The following TMPRSS15 variants were observed in gnomAD, a reference collection of about 807,000 sequenced individuals.
TMPRSS15 encodes enteropeptidase.
In TMPRSS15, 128 loss-of-function variants were observed where a neutral mutation model predicts 125.3. The observed-to-expected ratio is 1.02, with a 90% CI of 0.89 to 1.18. The LOEUF (loss-of-function observed/expected upper bound fraction) is 1.18, where lower values mean the gene tolerates loss of function less well. TMPRSS15 is among the 50% of genes most tolerant of loss of function. The pLI is 0.00. For missense variants in TMPRSS15, 1,283 were observed against 1,212.7 expected, an observed-to-expected ratio of 1.06 and a Z score of -0.86; for synonymous variants, 446 against 423.2, an observed-to-expected ratio of 1.05 and a Z score of -0.66.
chr21:18,395,309 C>G (rs911065314), intron 3 of TMPRSS15, among the ~76,000 whole-genome samples: 3 of 152,142 alleles, frequency 2.0e-5, no homozygotes, highest in African/African-American at 7.2e-5. Context: ...TAGTAGAGGA[C>G]AGCATGAATG....
intron 22 of TMPRSS15, among the ~76,000 whole-genome samples, chr21:18,280,593 A>AAAAAAAAAAAAAAAAAAAAC (rs1267521488): frequency 6.3e-5 from 9 of 143,678 alleles, no homozygotes; most frequent in African/African-American, 2.0e-4. Context: ...AAAAAAAAAA[A>AAAAAAAAAAAAAAAAAAAAC]AACAACAAAA....
chr21:18,457,876 C>T (rs1221784972), intron 1 of TMPRSS15, among the ~76,000 whole-genome samples: 1 of 152,036 alleles, frequency 6.6e-6, no homozygotes, highest in Non-Finnish European at 1.5e-5. Flanking sequence ...GGCCTGAGCA[C>T]TTAGATAACT....
chr21:18,409,456 A>AT (rs1354110103), intron 1 of TMPRSS15, among the ~76,000 whole-genome samples: 1 of 151,906 alleles, frequency 6.6e-6, no homozygotes, highest in African/African-American at 2.4e-5. Flanking sequence ...TTAGGGTCCA[A>AT]TTTTCCTTAG....
At chr21:18,397,836 T>G (rs2076053715) in intron 3 of TMPRSS15, 43 bp downstream of exon 3, 1 of 1,099,870 alleles carries the variant, frequency 9.1e-7, no homozygotes, top group African/African-American at 1.6e-5. Flanking sequence ...AGCAAAAAAA[T>G]CACTAATTTT....
In TMPRSS15 at chr21:18,319,680, C is replaced by G. The variant is rs896658086; in HGVS notation, c.1922-4424G>C. 2.6e-5 allele frequency among the ~76,000 whole-genome samples: 4 copies of G among 152,262 alleles called. No individual in the cohort carries two copies. The East Asian group carries it at 7.7e-4, about 29-fold the overall frequency. On this transcript the variant is annotated intron_variant, in intron 16 of 24. Coordinates refer to ENST00000284885, the MANE Select transcript of TMPRSS15 (RefSeq NM_002772.3). Reference sequence around the variant, plus strand: ...CCGACCTCAGGTGATCTGGCCGCCTCGGCCTCCCAAAGTGCTGGGATTACA... The same window carrying G: ...CCGACCTCAGGTGATCTGGCCGCCTGGGCCTCCCAAAGTGCTGGGATTACA...
chr21:18,345,899 T>G (rs2075503827), intron 10 of TMPRSS15, among the ~76,000 whole-genome samples: 1 of 151,844 alleles, frequency 6.6e-6, no homozygotes, highest in African/African-American at 2.4e-5. Context: ...ATAATTAATT[T>G]GAAATAGTTT....
chr21:18,337,291 T>C (rs148771238), intron 13 of TMPRSS15, among the ~76,000 whole-genome samples: 3 of 152,330 alleles, frequency 2.0e-5, no homozygotes, highest in African/African-American at 7.2e-5. Flanking sequence ...AATATTGAAA[T>C]ATTTAATACT....
chr21:18,365,743 CT>C (rs36165986), intron 6 of TMPRSS15, among the ~76,000 whole-genome samples: 2,772 of 83,842 alleles, frequency 0.033, 141 homozygotes, highest in African/African-American at 0.12. Flanking sequence ...CTCTTTTTTC[CT>C]TTTTTTTTTT....
rs1219832264 is a variant in TMPRSS15 at position 18,326,480 on chromosome 21, C to T, written c.1873G>A (p.Gly625Arg). The T allele has an allele frequency of 1.9e-6, 3 of 1,614,052 alleles. No individual in the cohort carries two copies. The highest frequency in any genetic ancestry group is 2.5e-6 in the Non-Finnish European group (3 of 1,180,008). Reference sequence around the variant, plus strand: ...GTAGTAAAGTTTGCTTTAAACCCTCCTCTTGCCAACACATCGTTAGTGATG... The same window carrying T: ...GTAGTAAAGTTTGCTTTAAACCCTCTTCTTGCCAACACATCGTTAGTGATG... The part of the protein sequence containing the change: ...LLITNDVLAR[G>R]GFKANFTTGY... Residue 625 changes from glycine (G) to arginine (R), a missense_variant, in exon 16 of 25, where the codon GGA becomes AGA. By Grantham distance (125) the Gly-to-Arg change is moderately radical. Transcript: ENST00000284885.
intron 3 of TMPRSS15, among the ~76,000 whole-genome samples, chr21:18,393,311 G>C (rs1205721382): frequency 6.6e-6 from 1 of 152,018 alleles, no homozygotes; most frequent in Non-Finnish European, 1.5e-5. Flanking sequence ...AAATAATTTG[G>C]TGATAATAAT....
At chr21:18,345,516 C>A (rs1377050931) in intron 10 of TMPRSS15, among the ~76,000 whole-genome samples, 2 of 151,012 alleles carry the variant, frequency 1.3e-5, no homozygotes, top group Admixed American at 6.6e-5. Context: ...CCGAGGCGGG[C>A]GGATCACGAG....
At chr21:18,307,292 G>T (rs146783849) in intron 18 of TMPRSS15, among the ~76,000 whole-genome samples, 2 of 152,232 alleles carry the variant, frequency 1.3e-5, no homozygotes, top group African/African-American at 4.8e-5. Flanking sequence ...TAAGGCAGTG[G>T]GATGTACTAC....
intron 19 of TMPRSS15, among the ~76,000 whole-genome samples, chr21:18,295,751 T>G (rs969452483): frequency 1.3e-5 from 2 of 152,200 alleles, no homozygotes; most frequent in Non-Finnish European, 2.9e-5. Flanking sequence ...TCTAGATATA[T>G]TGACATGTAT....
intron 22 of TMPRSS15, among the ~76,000 whole-genome samples, chr21:18,279,419 A>G (rs1392879019): frequency 2.3e-5 from 3 of 132,112 alleles, no homozygotes; most frequent in East Asian, 2.5e-4. Context: ...TCCACCTCCC[A>G]GGTTCACGCC....
intron 21 of TMPRSS15, among the ~76,000 whole-genome samples, chr21:18,287,970 C>A (rs7279538): frequency 0.81 from 123,295 of 152,072 alleles, 50,230 homozygotes; most frequent in African/African-American, 0.84. Flanking sequence ...TGATCTAGTA[C>A]TCCCACTGCT....
intron 22 of TMPRSS15, among the ~76,000 whole-genome samples, chr21:18,280,359 A>G (rs112629518): frequency 0.29 from 44,701 of 151,852 alleles, 9,670 homozygotes; most frequent in African/African-American, 0.62. Context: ...GGTGGATCAC[A>G]AGGTCAAGAG....
chr21:18,270,937 T>A (rs1264762989), intron 24 of TMPRSS15, among the ~76,000 whole-genome samples: 1 of 152,208 alleles, frequency 6.6e-6, no homozygotes, highest in Non-Finnish European at 1.5e-5. Flanking sequence ...ACATTTAAAG[T>A]TTTATGTGTT....
At chr21:18,468,274 A>G (rs1448186053) in intron 1 of TMPRSS15, among the ~76,000 whole-genome samples, 1 of 152,146 alleles carries the variant, frequency 6.6e-6, no homozygotes, top group African/African-American at 2.4e-5. Flanking sequence ...CCTCAGTGCT[A>G]TAGCTTTTCC....
intron 1 of TMPRSS15, among the ~76,000 whole-genome samples, chr21:18,419,220 CTTTTTTTTTTTTTTT>C (rs540004490): frequency 4.6e-5 from 5 of 108,620 alleles, no homozygotes; most frequent in Admixed American, 2.2e-4. Context: ...GACATTTCCT[CTTTTTTTTTTTTTTT>C]TTTTTTTTGA....
Sources: allele counts gnomAD v4.1 joint callset (sites outside exome capture counted in the v4.1 genomes callset), GRCh38; gene constraint gnomAD v4.1.1; transcripts MANE v1.5; gene names NCBI Gene and HGNC (gene_info 2026-07-23, HGNC 2026-07-21).